ZFHX3: variants seen among roughly 807,000 people sequenced by gnomAD.
The protein encoded by ZFHX3 is zinc finger homeobox protein 3.
ZFHX3 carries 42 observed loss-of-function variants against 279.1 expected under a neutral mutation model. The observed-to-expected ratio is 0.15, with a 90% CI of 0.12 to 0.19. The LOEUF (loss-of-function observed/expected upper bound fraction) is 0.19, where lower values mean the gene tolerates loss of function less well. Among genes scored for constraint, ZFHX3 ranks in the 10% least tolerant of loss-of-function variants. The probability of loss-of-function intolerance (pLI) is 1.00; values close to 1 mark genes in which losing one functional copy is unlikely to be tolerated. For missense variants in ZFHX3, 4,981 were observed against 4,754.0 expected (o/e 1.05, Z -1.40); for synonymous variants, 2,293 against 1,957.8 (o/e 1.17, Z -4.52).
chr16:73,280,231 A>G (rs2014423089), intron 4 of ZFHX3, among the ~76,000 whole-genome samples: 1 of 152,236 alleles, frequency 6.6e-6, no homozygotes, highest in Non-Finnish European at 1.5e-5. Context: ...TACCGGCAAC[A>G]AAAGCAAAAA....
At chr16:73,332,056 G>A (rs1466538233) in intron 3 of ZFHX3, among the ~76,000 whole-genome samples, 4 of 152,198 alleles carry the variant, frequency 2.6e-5, no homozygotes, top group Admixed American at 1.3e-4. Flanking sequence ...TTCAGACAAC[G>A]TGGCTTTTAT....
chr16:73,724,011 A>T (rs1214289174), intron 1 of ZFHX3, among the ~76,000 whole-genome samples: 1 of 152,218 alleles, frequency 6.6e-6, no homozygotes. Flanking sequence ...AAAAGAAATG[A>T]TAATTCGATG....
chr16:73,818,573 C>G (rs1567420669), intron 1 of ZFHX3, among the ~76,000 whole-genome samples: 1 of 152,160 alleles, frequency 6.6e-6, no homozygotes, highest in East Asian at 1.9e-4. Flanking sequence ...AACTTTGTAT[C>G]AAAGCATTAA....
intron 4 of ZFHX3, among the ~76,000 whole-genome samples, chr16:72,854,939 G>A (rs28568289): frequency 2.1e-4 from 4 of 18,862 alleles, no homozygotes; most frequent in Non-Finnish European, 4.3e-4. Flanking sequence ...ATTGGTGGGT[G>A]GGGGGGGGGT....
chr16:73,454,783 A>G (rs529525479), intron 3 of ZFHX3, among the ~76,000 whole-genome samples: 3 of 152,306 alleles, frequency 2.0e-5, no homozygotes, highest in Non-Finnish European at 2.9e-5. Flanking sequence ...TCTGCTTTGC[A>G]TAAGTTACAT....
At chr16:73,544,862 C>T (rs2020082714) in intron 2 of ZFHX3, among the ~76,000 whole-genome samples, 1 of 152,186 alleles carries the variant, frequency 6.6e-6, no homozygotes, top group Non-Finnish European at 1.5e-5. Flanking sequence ...GCCCTAAAAA[C>T]ATTTGCCTTT....
At chr16:73,601,908 A>C (rs1465821495) in intron 2 of ZFHX3, among the ~76,000 whole-genome samples, 3 of 152,228 alleles carry the variant, frequency 2.0e-5, no homozygotes, top group African/African-American at 7.2e-5. Flanking sequence ...TCAGGAACAA[A>C]ACACACCAAC....
intron 7 of ZFHX3, among the ~76,000 whole-genome samples, chr16:73,114,563 C>T (rs1444251104): frequency 1.3e-5 from 2 of 151,976 alleles, no homozygotes; most frequent in African/African-American, 4.8e-5. Flanking sequence ...CCTGCAGTCC[C>T]AGCTACTCAG....
intron 2 of ZFHX3, among the ~76,000 whole-genome samples, chr16:73,523,507 C>T (rs968099746): frequency 1.3e-5 from 2 of 152,072 alleles, no homozygotes; most frequent in Non-Finnish European, 2.9e-5. Flanking sequence ...TGCTTTACAC[C>T]CAGTGGCATT....
chr16:73,312,659 C>T (rs944025716), intron 4 of ZFHX3, among the ~76,000 whole-genome samples: 1 of 152,204 alleles, frequency 6.6e-6, no homozygotes. Flanking sequence ...GCTTCACACG[C>T]TCTGTCCAAC....
At chr16:73,414,018 A>G (rs1403708273) in intron 3 of ZFHX3, among the ~76,000 whole-genome samples, 2 of 152,272 alleles carry the variant, frequency 1.3e-5, no homozygotes, top group Admixed American at 6.5e-5. Context: ...CAAGTCCTGC[A>G]GTTAAAAACA....
intron 1 of ZFHX3, among the ~76,000 whole-genome samples, chr16:73,838,297 A>G (rs1961199513): frequency 6.6e-6 from 1 of 152,174 alleles, no homozygotes; most frequent in Admixed American, 6.5e-5. Flanking sequence ...ACTTTTGTGC[A>G]TTCTATTGAA....
intron 2 of ZFHX3, among the ~76,000 whole-genome samples, chr16:73,521,164 T>C (rs2019602558): frequency 6.6e-6 from 1 of 152,194 alleles, no homozygotes; most frequent in African/African-American, 2.4e-5. Context: ...TATGTCTTGT[T>C]GTGGCTGGTT....
At chr16:72,931,404 TACACACACACACACACACAC>T (rs59696404) in intron 3 of ZFHX3, among the ~76,000 whole-genome samples, 92 of 120,164 alleles carry the variant, frequency 7.7e-4, no homozygotes, top group East Asian at 1.7e-3. Flanking sequence ...TTTATTTCAT[TACACACACACACACACACAC>T]ACACACACAC....
At chr16:73,400,284 C>A (rs1419984919) in intron 3 of ZFHX3, 1 of 152,188 alleles carries the variant, frequency 6.6e-6, no homozygotes, top group Non-Finnish European at 1.5e-5. Flanking sequence ...GAGCAAAATG[C>A]TAAAACTGTG....
intron 1 of ZFHX3, among the ~76,000 whole-genome samples, chr16:73,000,829 C>A (rs535031796): frequency 6.6e-6 from 1 of 152,186 alleles, no homozygotes; most frequent in Non-Finnish European, 1.5e-5. Context: ...TGCTGAACCC[C>A]ACAAACCCCT....
intron 7 of ZFHX3, among the ~76,000 whole-genome samples, chr16:73,120,412 C>T (rs1966481658): frequency 1.3e-5 from 2 of 151,806 alleles, no homozygotes; most frequent in Admixed American, 6.6e-5. Context: ...ACTACAGGCA[C>T]ATGCCACCAT....
At chr16:73,641,031 C>T (rs1378002281) in intron 2 of ZFHX3, among the ~76,000 whole-genome samples, 2 of 152,190 alleles carry the variant, frequency 1.3e-5, no homozygotes, top group Non-Finnish European at 2.9e-5. Context: ...TCAAAGACAA[C>T]AGGGAAGTAC....
At chr16:73,271,700 C>T (rs542648816) in intron 4 of ZFHX3, among the ~76,000 whole-genome samples, 1 of 152,326 alleles carries the variant, frequency 6.6e-6, no homozygotes, top group African/African-American at 2.4e-5. Flanking sequence ...AGGAGCATGG[C>T]AGGTGCCTGA....
Sources: allele counts gnomAD v4.1 joint callset (sites outside exome capture counted in the v4.1 genomes callset), GRCh38; gene constraint gnomAD v4.1.1; transcripts MANE v1.5; gene names NCBI Gene and HGNC (gene_info 2026-07-23, HGNC 2026-07-21).